MYO18B: variants seen among roughly 807,000 people sequenced by gnomAD.
MYO18B encodes the protein unconventional myosin-XVIIIb.
Under a neutral mutation model 273.0 loss-of-function variants are expected in MYO18B, and 204 were observed. That is an observed-to-expected ratio of 0.75 (90% CI 0.67 to 0.84). The LOEUF (loss-of-function observed/expected upper bound fraction) is 0.84. MYO18B is among the 40% of genes least tolerant of loss of function. The pLI, the probability that MYO18B is intolerant of heterozygous loss-of-function variation, is 0.00. For missense variants in MYO18B, 3,212 were observed against 3,287.6 expected (o/e 0.98, Z 0.56); for synonymous variants, 1,330 against 1,305.7 (o/e 1.02, Z -0.40).
At chr22:25,932,637 C>T (rs8136253) in intron 34 of MYO18B, among the ~76,000 whole-genome samples, 56,594 of 151,586 alleles carry the variant, frequency 0.37, 12,798 homozygotes, top group East Asian at 0.5. Flanking sequence ...CTCAAACTCC[C>T]GACCTCAGGT....
In MYO18B at chr22:25,768,582, G is replaced by C; in HGVS notation, c.666G>C (p.Gly222=). 1.3e-6 allele frequency: 2 copies of C among 1,531,722 alleles called. No homozygotes were observed. Among genetic ancestry groups the C allele is most frequent in the South Asian group, 2.7e-5 (2 of 75,452 alleles). 94.9% of individuals were successfully genotyped at this position (1,531,722 alleles called of 1,614,324 possible). A position where few individuals can be genotyped will look rare whatever the true frequency, so the allele number is the denominator to read the frequency against. ...KAEKTRTGGL[G]DPGQGTVALK... is the part of the protein sequence containing the mutation. ...AGAAGACCCGGACTGGGGGTCTTGG[G>C]GACCCAGGCCAAGGAACTGTGGCAC... The change falls in exon 4 of 44, where the codon GGG becomes GGC. Residue 222 remains glycine, a synonymous_variant. Transcript: ENST00000335473.
chr22:25,861,001 A>G (rs1223343450), intron 21 of MYO18B, among the ~76,000 whole-genome samples: 1 of 151,270 alleles, frequency 6.6e-6, no homozygotes, highest in East Asian at 2.0e-4. Flanking sequence ...CGATCCTCCT[A>G]TTTCAGCCCC....
chr22:25,768,746 T>G lies in MYO18B; in HGVS notation c.830T>G (p.Val277Gly), dbSNP rs1601633874. 6.3e-7 allele frequency: 1 copy of G among 1,598,798 alleles called. No homozygotes were observed. Among genetic ancestry groups the G allele is most frequent in the African/African-American group, 1.4e-5 (1 of 73,840 alleles). ...CAAGCCCAAGGGCCCGGCGAGGGGG[T>G]GCGACCAGGGAAAGCAGAGAAGGAG... ...RPQAQGPGEGVRPGKAEKEGA... is the reference protein window; with the variant it reads ...RPQAQGPGEGGRPGKAEKEGA... The change falls in exon 4 of 44, where the codon GTG becomes GGG. Residue 277 changes from valine (V) to glycine (G), a missense_variant. Coordinates refer to ENST00000335473, the MANE Select transcript of MYO18B (RefSeq NM_032608.7).
intron 34 of MYO18B, among the ~76,000 whole-genome samples, chr22:25,929,967 C>A (rs1230189573): frequency 1.3e-5 from 2 of 151,854 alleles, no homozygotes; most frequent in Non-Finnish European, 2.9e-5. Context: ...CAGGTTTCTT[C>A]CCTTGACCTA....
chr22:25,869,060 A>G (rs781735586), intron 22 of MYO18B, among the ~76,000 whole-genome samples: 4 of 152,144 alleles, frequency 2.6e-5, no homozygotes, highest in African/African-American at 7.2e-5. Flanking sequence ...TTCTGGAGCT[A>G]GTGTTCCATG....
intron 39 of MYO18B, among the ~76,000 whole-genome samples, chr22:25,989,628 A>C (rs1018361137): frequency 2.9e-5 from 1 of 34,516 alleles, no homozygotes; most frequent in Admixed American, 2.2e-4. Context: ...TAAAAATACA[A>C]AAAAAAAAAA....
At position 26,026,988 on chromosome 22, in the gene MYO18B, C is replaced by G. The variant is rs1046770993; in HGVS notation, c.7014C>G (p.Thr2338=). 6.2e-7 allele frequency: 1 copy of G among 1,613,824 alleles called. No individual in the cohort carries two copies. The highest frequency in any genetic ancestry group is 1.7e-5 in the Admixed American group (1 of 60,010). Residue 2338 remains threonine, a synonymous_variant, in exon 43 of 44, where the codon ACC becomes ACG. Coordinates refer to ENST00000335473, the MANE Select transcript of MYO18B (RefSeq NM_032608.7). ...CTTCAGACGGTGTTGGGGGCACAAC[C>G]CTACTCCCCGAAAAGTCGAAAACCC... ...CISSDGVGGT[T]LLPEKSKTQF...
intron 10 of MYO18B, among the ~76,000 whole-genome samples, chr22:25,782,614 G>A (rs12158659): frequency 0.027 from 4,109 of 152,264 alleles, 145 homozygotes; most frequent in East Asian, 0.14. Flanking sequence ...GTGAAGTGTC[G>A]GGGAGAGGAA....
At chr22:25,829,034 G>A in intron 15 of MYO18B, 66 bp downstream of exon 15, 1 of 1,527,828 alleles carries the variant, frequency 6.5e-7, no homozygotes, top group Non-Finnish European at 8.9e-7. Flanking sequence ...AGATGGGAAG[G>A]GGTGGGATTC....
chr22:25,952,563 G>T, intron 38 of MYO18B, 140 bp downstream of exon 38: 1 of 1,146,710 alleles, frequency 8.7e-7, no homozygotes, highest in Non-Finnish European at 1.2e-6. Flanking sequence ...TCTCACCCAA[G>T]CTCCCTCCCT....
chr22:25,804,344 G>C (rs2145794343), intron 12 of MYO18B, among the ~76,000 whole-genome samples: 1 of 152,280 alleles, frequency 6.6e-6, no homozygotes, highest in South Asian at 2.1e-4. Flanking sequence ...CACGGAATAG[G>C]GGAGCAATGA....
At chr22:25,940,458 G>A (rs1164137091) in intron 34 of MYO18B, among the ~76,000 whole-genome samples, 1 of 152,156 alleles carries the variant, frequency 6.6e-6, no homozygotes, top group African/African-American at 2.4e-5. Context: ...CCAGTCTCAG[G>A]TATGTCTTTA....
At chr22:25,984,382 C>T (rs969311181) in intron 39 of MYO18B, among the ~76,000 whole-genome samples, 4 of 152,310 alleles carry the variant, frequency 2.6e-5, no homozygotes, top group Non-Finnish European at 4.4e-5. Context: ...TCACTCGGAT[C>T]CACACAATAC....
intron 12 of MYO18B, among the ~76,000 whole-genome samples, chr22:25,818,183 A>G (rs2089121129): frequency 6.6e-6 from 1 of 152,224 alleles, no homozygotes; most frequent in African/African-American, 2.4e-5. Context: ...GGCTGGGGGC[A>G]GGGGAAAATC....
chr22:25,910,464 G>A (rs980384384), intron 32 of MYO18B, among the ~76,000 whole-genome samples: 6 of 152,152 alleles, frequency 3.9e-5, no homozygotes, highest in Non-Finnish European at 2.9e-5. Context: ...CTGAGGGTTA[G>A]GGTTTCACCA....
intron 39 of MYO18B, among the ~76,000 whole-genome samples, chr22:25,967,754 C>T (rs1409530801): frequency 6.6e-6 from 1 of 152,160 alleles, no homozygotes; most frequent in Non-Finnish European, 1.5e-5. Flanking sequence ...GTTTCATGAC[C>T]TCTGGCTTCA....
At chr22:26,000,748 A>G (rs1411365494) in intron 40 of MYO18B, among the ~76,000 whole-genome samples, 1 of 152,110 alleles carries the variant, frequency 6.6e-6, no homozygotes, top group Non-Finnish European at 1.5e-5. Flanking sequence ...CATTTTTTGG[A>G]GACCATCTCA....
Position 25,895,244 on chromosome 22 carries a change from C to G in MYO18B, c.4632C>G (p.Asp1544Glu), listed in dbSNP as rs150188738. 3.6e-4 allele frequency: 574 copies of G among 1,606,766 alleles called. 1 individual carries two copies. In the African/African-American group the frequency reaches 6.9e-3, roughly 19 times the overall value. Reference protein sequence around the residue: ...KRLQQCEERLDSELTARKELE... With the variant: ...KRLQQCEERLESELTARKELE... ...TGCAGCAATGCGAGGAGAGGCTGGA[C>G]TCGGAGCTGACAGCCAGGAAAGAGC... The change falls in exon 28 of 44, where the codon GAC becomes GAG. Residue 1544 changes from aspartate to glutamate, a missense_variant. Physicochemically the swap from Asp to Glu is conservative, Grantham distance 45. Transcript: ENST00000335473.
chr22:26,001,853 G>A (rs750917630), intron 40 of MYO18B, among the ~76,000 whole-genome samples: 2 of 152,220 alleles, frequency 1.3e-5, no homozygotes, highest in Non-Finnish European at 2.9e-5. Flanking sequence ...GAGTCAGCCA[G>A]GGTAAATAGT....
Sources: allele counts gnomAD v4.1 joint callset (sites outside exome capture counted in the v4.1 genomes callset), GRCh38; gene constraint gnomAD v4.1.1; transcripts MANE v1.5; gene names NCBI Gene and HGNC (gene_info 2026-07-23, HGNC 2026-07-21).